Variants in APPBP2 observed in about 807,000 individuals in gnomAD.
APPBP2 encodes the protein amyloid protein-binding protein 2.
Under a neutral mutation model 76.0 loss-of-function variants are expected in APPBP2, and 15 were observed. The observed-to-expected ratio is 0.20, with a 90% CI of 0.13 to 0.30. The LOEUF (loss-of-function observed/expected upper bound fraction) is 0.30, where lower values mean the gene tolerates loss of function less well. Among genes scored for constraint, APPBP2 ranks in the 10% least tolerant of loss-of-function variants. APPBP2 has a pLI of 1.00. For synonymous variants in APPBP2, 222 were observed against 242.2 expected (o/e 0.92, Z 0.77); for missense variants, 401 against 687.2 (o/e 0.58, Z 4.66).
At chr17:60,525,493 G>C (rs928485609) in intron 1 of APPBP2, among the ~76,000 whole-genome samples, 1 of 152,176 alleles carries the variant, frequency 6.6e-6, no homozygotes, top group Non-Finnish European at 1.5e-5. Context: ...GACTAGGTGG[G>C]ACAGGGGCGC....
At chr17:60,496,401 T>C (rs1460691795) in intron 2 of APPBP2, 1 of 152,170 alleles carries the variant, frequency 6.6e-6, no homozygotes, top group Non-Finnish European at 1.5e-5. Flanking sequence ...CACAAATACA[T>C]AAAACACTTA....
At chr17:60,514,363 T>C (rs757626197) in intron 1 of APPBP2, among the ~76,000 whole-genome samples, 1 of 151,940 alleles carries the variant, frequency 6.6e-6, no homozygotes, top group East Asian at 1.9e-4. Context: ...ACCAGCACTT[T>C]AGGAAGCCAA....
chr17:60,469,406 G>C (rs536269148), intron 4 of APPBP2, among the ~76,000 whole-genome samples: 1 of 148,544 alleles, frequency 6.7e-6, no homozygotes, highest in Non-Finnish European at 1.5e-5. Context: ...ACCGGTATGG[G>C]TTTAATAATT....
intron 1 of APPBP2, among the ~76,000 whole-genome samples, chr17:60,514,274 A>ACTGCATTC (rs2090945042): frequency 1.3e-5 from 2 of 152,144 alleles, no homozygotes; most frequent in Non-Finnish European, 1.5e-5. Context: ...AGCCTGGGTA[A>ACTGCATTC]CAGAGCAAGA....
intron 4 of APPBP2, among the ~76,000 whole-genome samples, chr17:60,473,249 T>C (rs1326679666): frequency 6.6e-6 from 1 of 152,204 alleles, no homozygotes; most frequent in Non-Finnish European, 1.5e-5. Context: ...TATCACACTT[T>C]TCTATTACAC....
intron 1 of APPBP2, among the ~76,000 whole-genome samples, chr17:60,503,762 G>A (rs1195620849): frequency 6.8e-6 from 1 of 146,702 alleles, no homozygotes; most frequent in Non-Finnish European, 1.5e-5. Context: ...AATCTTTTAT[G>A]TGTCAGGCAC....
At chr17:60,451,755 A>G in intron 12 of APPBP2, 125 bp downstream of exon 12, 1 of 788,936 alleles carries the variant, frequency 1.3e-6, no homozygotes, top group Non-Finnish European at 2.0e-6. Context: ...CTGGGATTAC[A>G]GGTATGAGCC....
chr17:60,446,557 G>A lies in APPBP2; in HGVS notation c.*1024C>T, dbSNP rs1239575328. 1 of 152,106 alleles carries A rather than the reference G, an allele frequency of 6.6e-6. No individual in the cohort carries two copies. Among genetic ancestry groups the A allele is most frequent in the Non-Finnish European group, 1.5e-5 (1 of 68,008 alleles). The allele number at this position is 152,106 out of a possible 1,614,324, so 9.4% of individuals were successfully genotyped here. ...TCCATCTGAACATGAACTATTTCAT[G>A]ACACACAGCCAATATACTTGTTAAC... On this transcript the variant is annotated 3_prime_UTR_variant, in exon 13 of 13. Transcript: ENST00000083182.
intron 4 of APPBP2, 44 bp from the exon 5 acceptor site, chr17:60,466,503 C>G (rs201944787): frequency 6.4e-7 from 1 of 1,566,872 alleles, no homozygotes; most frequent in Non-Finnish European, 8.7e-7. Context: ...ATATTTTCAG[C>G]TTGGTAGACC....
chr17:60,508,923 G>A (rs1183506401), intron 1 of APPBP2, among the ~76,000 whole-genome samples: 1 of 152,132 alleles, frequency 6.6e-6, no homozygotes, highest in Non-Finnish European at 1.5e-5. Context: ...ACTCTTTAAA[G>A]TCTACAGGAC....
intron 9 of APPBP2, among the ~76,000 whole-genome samples, chr17:60,458,562 T>C (rs775547805): frequency 1.3e-5 from 2 of 152,246 alleles, no homozygotes; most frequent in East Asian, 3.8e-4. Context: ...TATTTTAGGT[T>C]GTGTTGTCCA....
chr17:60,466,647 A>G (rs1054350562), intron 4 of APPBP2, among the ~76,000 whole-genome samples, 188 bp from the exon 5 acceptor site: 3 of 152,172 alleles, frequency 2.0e-5, no homozygotes, highest in African/African-American at 4.8e-5. Flanking sequence ...CTTTCCTGAA[A>G]GCGTCCCATA....
At chr17:60,467,046 CA>C (rs138690414) in intron 4 of APPBP2, among the ~76,000 whole-genome samples, 12,511 of 152,052 alleles carry the variant, frequency 0.082, 1,704 homozygotes, top group African/African-American at 0.28. Context: ...TAATGATATG[CA>C]AAAATAGTAC....
At chr17:60,485,797 G>T (rs2090671508) in intron 3 of APPBP2, among the ~76,000 whole-genome samples, 2 of 152,296 alleles carry the variant, frequency 1.3e-5, no homozygotes, top group Admixed American at 6.5e-5. Flanking sequence ...ATGGTAGGGT[G>T]TGAATTGTAG....
intron 5 of APPBP2, among the ~76,000 whole-genome samples, chr17:60,464,627 TA>T (rs1299271159): frequency 6.6e-6 from 1 of 152,208 alleles, no homozygotes; most frequent in East Asian, 1.9e-4. Context: ...TACGTACTAT[TA>T]GGGGAAACAG....
intron 1 of APPBP2, among the ~76,000 whole-genome samples, chr17:60,508,774 G>T (rs1186818091): frequency 1.3e-5 from 2 of 152,070 alleles, no homozygotes; most frequent in Non-Finnish European, 2.9e-5. Context: ...CCCAAACTCA[G>T]AATCTGGCAT....
chr17:60,473,654 AAAAC>A (rs1366581701), intron 4 of APPBP2, among the ~76,000 whole-genome samples: 4 of 152,218 alleles, frequency 2.6e-5, no homozygotes, highest in Non-Finnish European at 5.9e-5. Flanking sequence ...TTTTCTATTA[AAAAC>A]AAAAAGAATA....
chr17:60,467,566 T>C (rs2090520494), intron 4 of APPBP2, among the ~76,000 whole-genome samples: 1 of 152,170 alleles, frequency 6.6e-6, no homozygotes, highest in African/African-American at 2.4e-5. Flanking sequence ...AAGCAGCTTA[T>C]GTTCTAGTGG....
intron 4 of APPBP2, among the ~76,000 whole-genome samples, chr17:60,475,727 A>T (rs1260010635): frequency 6.6e-6 from 1 of 151,666 alleles, no homozygotes; most frequent in Non-Finnish European, 1.5e-5. Context: ...GTAGTTCAAG[A>T]AGTTCTTTTT....
Sources: allele counts gnomAD v4.1 joint callset (sites outside exome capture counted in the v4.1 genomes callset), GRCh38; gene constraint gnomAD v4.1.1; transcripts MANE v1.5; gene names NCBI Gene and HGNC (gene_info 2026-07-23, HGNC 2026-07-21).